The following RAPGEF6 variants were observed in gnomAD, a reference collection of about 807,000 sequenced individuals.
RAPGEF6 encodes the protein Rap guanine nucleotide exchange factor 6.
A neutral mutation model predicts 171.4 loss-of-function variants in RAPGEF6; 56 were observed. That is an observed-to-expected ratio of 0.33 (90% CI 0.26 to 0.41). The LOEUF (loss-of-function observed/expected upper bound fraction) is 0.41, where lower values mean the gene tolerates loss of function less well. Ranked by LOEUF, RAPGEF6 falls within the 10% of genes least tolerant of loss-of-function variation. RAPGEF6 has a pLI of 1.00. For synonymous variants in RAPGEF6, 692 were observed against 650.1 expected (o/e 1.06, Z -0.98); for missense variants, 1,674 against 1,921.4 (o/e 0.87, Z 2.41).
intron 16 of RAPGEF6, among the ~76,000 whole-genome samples, chr5:131,474,300 C>G (rs1402879573): frequency 6.6e-6 from 1 of 152,110 alleles, no homozygotes; most frequent in African/African-American, 2.4e-5. Context: ...CCCGTCTCTA[C>G]TAAAAATACT....
chr5:131,512,956 T>C (rs1438404532), intron 7 of RAPGEF6, among the ~76,000 whole-genome samples: 1 of 152,116 alleles, frequency 6.6e-6, no homozygotes, highest in East Asian at 1.9e-4. Flanking sequence ...GAAATAAATT[T>C]CTGGTGTTTA....
intron 24 of RAPGEF6, chr5:131,436,191 C>G: frequency 6.5e-7 from 1 of 1,537,678 alleles, no homozygotes; most frequent in Non-Finnish European, 8.7e-7. Context: ...ACGGGGATGT[C>G]ATTCTTTTTC....
chr5:131,473,448 GAAAC>G (rs1165791053), intron 16 of RAPGEF6, among the ~76,000 whole-genome samples: 1 of 151,860 alleles, frequency 6.6e-6, no homozygotes, highest in Non-Finnish European at 1.5e-5. Context: ...TAAAAACAAA[GAAAC>G]AAACACTGTC....
chr5:131,543,374 A>C (rs1372122846), intron 6 of RAPGEF6, among the ~76,000 whole-genome samples: 1 of 152,178 alleles, frequency 6.6e-6, no homozygotes. Flanking sequence ...TAATTTTTCA[A>C]AATCTCTTAA....
chr5:131,510,284 A>G lies in RAPGEF6; in HGVS notation c.805+30T>C, dbSNP rs751148122. ...GGTAACCATATAAATTAAGTTACAA[A>G]TTCTTATTGTGAACACATATATTTC... On this transcript the variant is annotated intron_variant, in intron 8 of 27. Coordinates refer to ENST00000509018, the MANE Select transcript of RAPGEF6 (RefSeq NM_016340.6). 2.5e-6 allele frequency: 4 copies of G among 1,570,760 alleles called. No homozygotes were observed. In the Admixed American group the frequency reaches 7.5e-5, roughly 30 times the overall value.
chr5:131,496,984 G>A (rs1255703267), intron 12 of RAPGEF6, among the ~76,000 whole-genome samples: 1 of 151,996 alleles, frequency 6.6e-6, no homozygotes, highest in Non-Finnish European at 1.5e-5. Flanking sequence ...TGTGTAGGGT[G>A]GGGGTGGGGA....
chr5:131,555,232 C>G (rs554499492), intron 5 of RAPGEF6, among the ~76,000 whole-genome samples: 3 of 152,108 alleles, frequency 2.0e-5, no homozygotes, highest in South Asian at 2.1e-4. Context: ...ATTAACTTAA[C>G]GAAGGTTTGT....
chr5:131,575,053 C>T (rs1255469167), intron 4 of RAPGEF6, among the ~76,000 whole-genome samples: 1 of 152,132 alleles, frequency 6.6e-6, no homozygotes, highest in Non-Finnish European at 1.5e-5. Flanking sequence ...CCTGTGGTGC[C>T]AAACCCATAC....
At chr5:131,449,884 G>A in intron 21 of RAPGEF6, 1 of 917,904 alleles carries the variant, frequency 1.1e-6, no homozygotes, top group Non-Finnish European at 1.6e-6. Flanking sequence ...CTTGTTAGCA[G>A]AAGGCATTTG....
rs997486099 is a variant in RAPGEF6 at position 131,452,548 on chromosome 5, A to G, written c.3200+506T>C. ...AAAATATTCAGTAAAAATAAAAGAC[A>G]TAGACTAATACTTTACAAATTAGCT... On this transcript the variant is annotated intron_variant, in intron 21 of 27. Transcript: ENST00000509018. Among the ~76,000 whole-genome samples the G allele has an allele frequency of 3.9e-5, 6 of 152,302 alleles. No homozygotes were observed. In the South Asian group the frequency reaches 1.0e-3, roughly 26 times the overall value.
chr5:131,579,765 C>T (rs1210242378), intron 4 of RAPGEF6, among the ~76,000 whole-genome samples: 1 of 152,224 alleles, frequency 6.6e-6, no homozygotes, highest in Non-Finnish European at 1.5e-5. Context: ...TAGCTAGACA[C>T]AGAGTGCTGA....
chr5:131,596,847 G>A (rs1009552968), intron 3 of RAPGEF6, among the ~76,000 whole-genome samples: 12 of 152,096 alleles, frequency 7.9e-5, no homozygotes, highest in Admixed American at 1.3e-4. Context: ...TTTTTAAAGC[G>A]AAGACCTCAA....
At chr5:131,551,167 C>A (rs1159291484) in intron 5 of RAPGEF6, among the ~76,000 whole-genome samples, 1 of 152,084 alleles carries the variant, frequency 6.6e-6, no homozygotes, top group Non-Finnish European at 1.5e-5. Context: ...TCACAATAAC[C>A]CTATTACATA....
At position 131,603,728 on chromosome 5, in the gene RAPGEF6, A is replaced by G. The variant is rs80163567; in HGVS notation, c.141-401T>C. Among the ~76,000 whole-genome samples, 1,344 of 152,220 alleles carry G rather than the reference A, an allele frequency of 8.8e-3. 24 individuals carry two copies. The highest frequency in any genetic ancestry group is 0.031 in the African/African-American group (1,276 of 41,570). On this transcript the variant is annotated intron_variant, in intron 2 of 27. Transcript: ENST00000509018. Reference sequence around the variant, plus strand: ...ATATATAAATCAGTTTGCAATAAAAAATATTTTGAGTATTACAAAATGCTA... The same window carrying G: ...ATATATAAATCAGTTTGCAATAAAAGATATTTTGAGTATTACAAAATGCTA...
At chr5:131,614,299 A>AAAAAAAG (rs1554087607) in intron 1 of RAPGEF6, among the ~76,000 whole-genome samples, 6 of 147,282 alleles carry the variant, frequency 4.1e-5, no homozygotes, top group African/African-American at 1.5e-4. Flanking sequence ...AAAAAAAAAA[A>AAAAAAAG]AAAGAAAGAA....
At chr5:131,606,048 A>AAAAAAG (rs1561601214) in intron 1 of RAPGEF6, among the ~76,000 whole-genome samples, 1,872 of 122,928 alleles carry the variant, frequency 0.015, 15 homozygotes, top group Non-Finnish European at 0.025. Context: ...AAAAAAAAAA[A>AAAAAAG]AAAAAGAAAA....
chr5:131,503,176 C>T (rs1253669277), intron 11 of RAPGEF6, among the ~76,000 whole-genome samples: 1 of 152,072 alleles, frequency 6.6e-6, no homozygotes, highest in East Asian at 1.9e-4. Flanking sequence ...AGAGAGTGTC[C>T]TTGTTTTTAG....
chr5:131,452,603 C>G (rs1753172105), intron 21 of RAPGEF6, among the ~76,000 whole-genome samples: 1 of 150,234 alleles, frequency 6.7e-6, no homozygotes, highest in Non-Finnish European at 1.5e-5. Context: ...AGATGAATAT[C>G]AGCAATTTTA....
At chr5:131,570,587 A>G (rs1762218863) in intron 4 of RAPGEF6, among the ~76,000 whole-genome samples, 1 of 152,240 alleles carries the variant, frequency 6.6e-6, no homozygotes, top group African/African-American at 2.4e-5. Context: ...GATAGACAAA[A>G]TGCAGTATCA....
Sources: allele counts gnomAD v4.1 joint callset (sites outside exome capture counted in the v4.1 genomes callset), GRCh38; gene constraint gnomAD v4.1.1; transcripts MANE v1.5; gene names NCBI Gene and HGNC (gene_info 2026-07-23, HGNC 2026-07-21).